FAT3: variants seen among roughly 807,000 people sequenced by gnomAD.
FAT3 encodes protocadherin Fat 3.
Under a neutral mutation model 310.2 loss-of-function variants are expected in FAT3, and 95 were observed. That is an observed-to-expected ratio of 0.31 (90% CI 0.26 to 0.36). The LOEUF is 0.36. Among genes scored for constraint, FAT3 ranks in the 10% least tolerant of loss-of-function variants. The pLI is 1.00. For missense variants in FAT3, 5,408 were observed against 5,715.6 expected (o/e 0.95, Z 1.74); for synonymous variants, 2,314 against 2,192.9 (o/e 1.06, Z -1.54).
chr11:92,823,376 A>G (rs548096126), intron 13 of FAT3, among the ~76,000 whole-genome samples: 106 of 152,268 alleles, frequency 7.0e-4, no homozygotes, highest in African/African-American at 2.4e-3. Flanking sequence ...TTTAACCCAG[A>G]TAAGCTGCAG....
At chr11:92,753,459 C>G (rs1945881155) in intron 4 of FAT3, among the ~76,000 whole-genome samples, 1 of 152,172 alleles carries the variant, frequency 6.6e-6, no homozygotes, top group African/African-American at 2.4e-5. Context: ...TTGACTTTTT[C>G]TGTATAGCTA....
Position 92,447,222 on chromosome 11 carries a change from C to CGT in FAT3, c.3293-77379_3293-77378dup, listed in dbSNP as rs34833885. ...ATATATATGTGTATGTATATGTGTG[C>CGT]GTGTGTGTGTGTGTGTGTGTGTGTG... On this transcript the variant is annotated intron_variant, in intron 2 of 27. Coordinates refer to ENST00000525166, the MANE Select transcript of FAT3 (RefSeq NM_001367949.2). 8.5e-3 allele frequency among the ~76,000 whole-genome samples: 1,250 copies of CGT among 146,366 alleles called. 9 individuals carry two copies. The highest frequency in any genetic ancestry group is 0.02 in the African/African-American group (811 of 39,714).
chr11:92,887,540 A>G (rs148443486), intron 25 of FAT3, among the ~76,000 whole-genome samples: 26 of 152,314 alleles, frequency 1.7e-4, no homozygotes, highest in African/African-American at 6.3e-4. Flanking sequence ...TTCTTATAGA[A>G]CCAGTGGAAT....
rs377560695 is a variant in FAT3, at chr11:92,337,194, A to G, written c.-17-14902A>G. ...TAGCTATTTGCTACACTGTTTCCCAATTCAACAAATATTTCTTTAATGCCT... is the reference window on the plus strand; with the variant it reads ...TAGCTATTTGCTACACTGTTTCCCAGTTCAACAAATATTTCTTTAATGCCT... On this transcript the variant is annotated intron_variant, in intron 1 of 27. Coordinates refer to ENST00000525166, the MANE Select transcript of FAT3 (RefSeq NM_001367949.2). 3.0e-4 allele frequency among the ~76,000 whole-genome samples: 46 copies of G among 152,340 alleles called. No individual in the cohort carries two copies. The East Asian group carries it at 4.8e-3, about 16-fold the overall frequency.
intron 4 of FAT3, among the ~76,000 whole-genome samples, chr11:92,724,469 A>G (rs148988544): frequency 1.3e-5 from 2 of 152,312 alleles, no homozygotes; most frequent in Non-Finnish European, 2.9e-5. Flanking sequence ...GAGCTGCAAG[A>G]TTTGATGGAT....
At chr11:92,612,168 G>C (rs1201325223) in intron 3 of FAT3, among the ~76,000 whole-genome samples, 1 of 152,236 alleles carries the variant, frequency 6.6e-6, no homozygotes, top group African/African-American at 2.4e-5. Flanking sequence ...TTGTAATAGT[G>C]TTTTTCCATA....
chr11:92,762,906 C>A lies in FAT3; in HGVS notation c.3984+736C>A, dbSNP rs556204557. ...GTCACGGTGGTTCATGCCTGTAATC[C>A]CAGCACTTTGGGAGGCCGAGGCAGG... On this transcript the variant is annotated intron_variant, in intron 5 of 27. Transcript: ENST00000525166. Among the ~76,000 whole-genome samples, 3 of 152,080 alleles carry A rather than the reference C, an allele frequency of 2.0e-5. No homozygotes were observed. The East Asian group carries it at 5.8e-4, about 29-fold the overall frequency.
intron 2 of FAT3, among the ~76,000 whole-genome samples, chr11:92,431,547 T>G (rs1205817471): frequency 3.9e-5 from 6 of 152,164 alleles, no homozygotes; most frequent in Admixed American, 1.3e-4. Flanking sequence ...TGGCTTTTGT[T>G]GCCATTGCTT....
chr11:92,417,246 C>T (rs1348454588), intron 2 of FAT3, among the ~76,000 whole-genome samples: 1 of 152,148 alleles, frequency 6.6e-6, no homozygotes, highest in Non-Finnish European at 1.5e-5. Context: ...GAAGAGTTCA[C>T]TGTCAACTGG....
chr11:92,852,578 T>C (rs1948860632), intron 19 of FAT3, among the ~76,000 whole-genome samples: 1 of 151,956 alleles, frequency 6.6e-6, no homozygotes. Flanking sequence ...ATCCCCTTAA[T>C]CCTAAAGAAC....
At chr11:92,735,186 CTCT>C (rs1436654810) in intron 4 of FAT3, among the ~76,000 whole-genome samples, 2 of 152,124 alleles carry the variant, frequency 1.3e-5, no homozygotes, top group East Asian at 3.9e-4. Context: ...AGCACCAATG[CTCT>C]TCTTGATTGT....
chr11:92,511,906 G>A (rs1043981835), intron 2 of FAT3, among the ~76,000 whole-genome samples: 3 of 152,154 alleles, frequency 2.0e-5, no homozygotes, highest in African/African-American at 7.2e-5. Flanking sequence ...ATTGAGGAAA[G>A]TAATAAAATC....
Position 92,798,133 on chromosome 11 carries a change from A to T in FAT3, c.5120A>T (p.Asp1707Val), listed in dbSNP as rs1483818144. 12 of 1,613,828 alleles carry T rather than the reference A, an allele frequency of 7.4e-6. No homozygotes were observed. The highest frequency in any genetic ancestry group is 1.0e-5 in the Non-Finnish European group (12 of 1,179,874). The change falls in exon 10 of 28, where the codon GAT becomes GTT. Residue 1707 changes from aspartate to valine, a missense_variant. By Grantham distance (152) the Asp-to-Val change is radical. This residue lies in a region of FAT3 where 4,588 missense variants were observed against 4,809.8 expected (regional missense o/e 0.95). Coordinates refer to ENST00000525166, the MANE Select transcript of FAT3 (RefSeq NM_001367949.2). Reference sequence around the variant, plus strand: ...TCTACCCTCATTTATGAAGTCAAAGATGGAGACATTAATGGGATCTTTACC... The same window carrying T: ...TCTACCCTCATTTATGAAGTCAAAGTTGGAGACATTAATGGGATCTTTACC... Reference protein sequence around the residue: ...SQSTLIYEVKDGDINGIFTIN... With the variant: ...SQSTLIYEVKVGDINGIFTIN...
At chr11:92,777,980 C>T (rs977852739) in intron 7 of FAT3, among the ~76,000 whole-genome samples, 2 of 151,934 alleles carry the variant, frequency 1.3e-5, no homozygotes, top group East Asian at 1.9e-4. Flanking sequence ...TCATCAGAGA[C>T]ATCAGAGCCC....
intron 4 of FAT3, among the ~76,000 whole-genome samples, chr11:92,749,334 A>G (rs1164680943): frequency 6.6e-6 from 1 of 152,138 alleles, no homozygotes; most frequent in Non-Finnish European, 1.5e-5. Context: ...ACACACACAC[A>G]TAGATGACAA....
chr11:92,631,643 T>C (rs1461756470), intron 3 of FAT3, among the ~76,000 whole-genome samples: 1 of 152,164 alleles, frequency 6.6e-6, no homozygotes, highest in African/African-American at 2.4e-5. Context: ...GAACTGTGAG[T>C]CAATTAAACC....
intron 1 of FAT3, among the ~76,000 whole-genome samples, chr11:92,261,331 C>G (rs1384343526): frequency 6.6e-6 from 1 of 151,966 alleles, no homozygotes; most frequent in African/African-American, 2.4e-5. Flanking sequence ...CAACCTGGGG[C>G]CTTAGACCTC....
At chr11:92,442,081 T>TATATATATA (rs1555047741) in intron 2 of FAT3, among the ~76,000 whole-genome samples, 1 of 69,990 alleles carries the variant, frequency 1.4e-5, no homozygotes, top group African/African-American at 8.2e-5. Context: ...AATATATATT[T>TATATATATA]TATATATATA....
At chr11:92,692,730 G>C (rs1943830861) in intron 3 of FAT3, among the ~76,000 whole-genome samples, 1 of 152,220 alleles carries the variant, frequency 6.6e-6, no homozygotes, top group African/African-American at 2.4e-5. Context: ...AGAAGCATAG[G>C]GGATGGGATG....
Sources: gnomAD v4.1 joint callset for allele counts (sites outside exome capture counted in the v4.1 genomes callset) on GRCh38, gnomAD v4.1.1 for gene constraint, gnomAD v4.1.1 regional missense constraint, MANE v1.5 for transcripts, NCBI Gene and HGNC (gene_info 2026-07-23, HGNC 2026-07-21) for gene names.